Variants in ZNF804B observed in about 807,000 individuals in gnomAD.
The protein encoded by ZNF804B is zinc finger 804B.
In ZNF804B, 80 loss-of-function variants were observed where a neutral mutation model predicts 101.4. The observed-to-expected ratio is 0.79, with a 90% CI of 0.66 to 0.95. The LOEUF (loss-of-function observed/expected upper bound fraction) is 0.95. ZNF804B is among the 40% of genes least tolerant of loss of function. The pLI is 0.00. For synonymous variants in ZNF804B, 622 were observed against 558.8 expected, an observed-to-expected ratio of 1.11 and a Z score of -1.59; for missense variants, 1,673 against 1,561.9, an observed-to-expected ratio of 1.07 and a Z score of -1.20.
At chr7:89,245,920 C>T (rs977243574) in intron 2 of ZNF804B, among the ~76,000 whole-genome samples, 6 of 152,084 alleles carry the variant, frequency 3.9e-5, no homozygotes, top group Admixed American at 1.3e-4. Context: ...GAGGGAGAGC[C>T]CTTTGTTTCA....
intron 1 of ZNF804B, among the ~76,000 whole-genome samples, chr7:88,862,039 C>T (rs1474546173): frequency 1.3e-5 from 2 of 152,144 alleles, no homozygotes; most frequent in Non-Finnish European, 2.9e-5. Flanking sequence ...AACATCACTT[C>T]TATAGTAAAC....
chr7:89,296,437 G>C (rs1790385497), intron 2 of ZNF804B, among the ~76,000 whole-genome samples: 1 of 151,868 alleles, frequency 6.6e-6, no homozygotes, highest in Non-Finnish European at 1.5e-5. Context: ...TTTAAGTTAT[G>C]TCTTGTTAGA....
At chr7:88,801,304 A>G (rs73198671) in intron 1 of ZNF804B, among the ~76,000 whole-genome samples, 51 of 143,536 alleles carry the variant, frequency 3.6e-4, no homozygotes, top group Non-Finnish European at 5.7e-4. Flanking sequence ...AGGAGAGGGG[A>G]AAAAAAAAAA....
At chr7:88,794,663 T>A in intron 1 of ZNF804B, 1 of 1,613,710 alleles carries the variant, frequency 6.2e-7, no homozygotes, top group South Asian at 1.1e-5. Flanking sequence ...AGAATGGAAG[T>A]GGGATAGATG....
At chr7:88,823,692 C>T (rs755524471) in intron 1 of ZNF804B, among the ~76,000 whole-genome samples, 1 of 152,022 alleles carries the variant, frequency 6.6e-6, no homozygotes, top group Non-Finnish European at 1.5e-5. Flanking sequence ...GAGCATGTGG[C>T]AAATTGTAAA....
At chr7:89,261,214 T>C (rs1002158137) in intron 2 of ZNF804B, among the ~76,000 whole-genome samples, 12 of 152,314 alleles carry the variant, frequency 7.9e-5, no homozygotes, top group African/African-American at 2.9e-4. Flanking sequence ...TGAACTGTAA[T>C]AGAGCCATGA....
Position 89,086,834 on chromosome 7 carries a change from A to T in ZNF804B, c.109-131321A>T, listed in dbSNP as rs142929358. ...GTGTAAGTAATTTGACAAAACAGTT[A>T]TAATAAAAATTTGTCTTTGTATAAA... On this transcript the variant is annotated intron_variant, in intron 1 of 3. Transcript: ENST00000333190. 2.5e-3 allele frequency among the ~76,000 whole-genome samples: 377 copies of T among 152,056 alleles called. 1 individual carries two copies. The highest frequency in any genetic ancestry group is 8.2e-3 in the African/African-American group (339 of 41,524).
chr7:88,847,165 A>G (rs898873332), intron 1 of ZNF804B, among the ~76,000 whole-genome samples: 3 of 151,978 alleles, frequency 2.0e-5, no homozygotes, highest in African/African-American at 7.2e-5. Context: ...AAATATAAGA[A>G]AAATATTAAT....
At chr7:89,273,089 A>T (rs1789923650) in intron 2 of ZNF804B, among the ~76,000 whole-genome samples, 1 of 152,188 alleles carries the variant, frequency 6.6e-6, no homozygotes, top group African/African-American at 2.4e-5. Flanking sequence ...TTATAAAAAC[A>T]TGTAATCAAT....
intron 2 of ZNF804B, among the ~76,000 whole-genome samples, chr7:89,263,700 C>T (rs1421343310): frequency 6.6e-6 from 1 of 151,764 alleles, no homozygotes; most frequent in Admixed American, 6.6e-5. Context: ...AATGTCCTCA[C>T]CTGAAACACA....
At chr7:89,036,649 A>G (rs921066049) in intron 1 of ZNF804B, among the ~76,000 whole-genome samples, 1 of 152,104 alleles carries the variant, frequency 6.6e-6, no homozygotes, top group Non-Finnish European at 1.5e-5. Context: ...ATAACTTAGA[A>G]AAGAGTTTTT....
At chr7:89,084,166 G>C (rs1300331341) in intron 1 of ZNF804B, among the ~76,000 whole-genome samples, 1 of 151,910 alleles carries the variant, frequency 6.6e-6, no homozygotes, top group Non-Finnish European at 1.5e-5. Flanking sequence ...CTCAACTGTA[G>C]CAATGCCCTG....
chr7:89,229,278 G>A (rs1247668542), intron 2 of ZNF804B, among the ~76,000 whole-genome samples: 1 of 152,182 alleles, frequency 6.6e-6, no homozygotes, highest in African/African-American at 2.4e-5. Context: ...CTGCCAGCAC[G>A]CTGTCACCTC....
At position 89,335,001 on chromosome 7, in the gene ZNF804B, C is replaced by G; in HGVS notation, c.2019C>G (p.Phe673Leu). The G allele has an allele frequency of 6.2e-7, 1 of 1,613,856 alleles. No homozygotes were observed. The highest frequency in any genetic ancestry group is 1.3e-5 in the African/African-American group (1 of 75,022). The change falls in exon 4 of 4, where the codon TTC becomes TTG. Residue 673 changes from phenylalanine (F) to leucine (L), a missense_variant. Phe to Leu is a conservative substitution (Grantham distance 22). Coordinates refer to ENST00000333190, the MANE Select transcript of ZNF804B (RefSeq NM_181646.5). ...GTCACAGTGACCATGGGAAAGACTT[C>G]AGTGTAATTTTGAAGAGTAACCACA... ...VGGHSDHGKD[F>L]SVILKSNHIS... is the part of the protein sequence containing the mutation.
chr7:88,974,499 A>T (rs988688021), intron 1 of ZNF804B, among the ~76,000 whole-genome samples: 2 of 151,210 alleles, frequency 1.3e-5, no homozygotes, highest in South Asian at 4.1e-4. Context: ...ATATAATTTT[A>T]TCTGGCCCTT....
At chr7:89,220,121 A>G (rs1259570828) in intron 2 of ZNF804B, among the ~76,000 whole-genome samples, 1 of 140,748 alleles carries the variant, frequency 7.1e-6, no homozygotes, top group South Asian at 2.1e-4. Context: ...ATATACATAT[A>G]TATACGCACA....
intron 1 of ZNF804B, among the ~76,000 whole-genome samples, chr7:88,874,629 T>C (rs986780060): frequency 2.0e-5 from 3 of 152,066 alleles, no homozygotes; most frequent in Non-Finnish European, 2.9e-5. Flanking sequence ...GCTCTTATTA[T>C]TTTGAGATAC....
At chr7:88,966,753 C>CACAT (rs1562846028) in intron 1 of ZNF804B, among the ~76,000 whole-genome samples, 2 of 151,200 alleles carry the variant, frequency 1.3e-5, no homozygotes, top group Non-Finnish European at 3.0e-5. Flanking sequence ...TCTAGACACA[C>CACAT]ACATACATAC....
chr7:88,979,499 T>C (rs192339544), intron 1 of ZNF804B, among the ~76,000 whole-genome samples: 4 of 152,070 alleles, frequency 2.6e-5, no homozygotes, highest in African/African-American at 9.6e-5. Flanking sequence ...CATGTTATGC[T>C]ACTCTCTCCT....
Sources: allele counts gnomAD v4.1 joint callset (sites outside exome capture counted in the v4.1 genomes callset), GRCh38; gene constraint gnomAD v4.1.1; transcripts MANE v1.5; gene names NCBI Gene and HGNC (gene_info 2026-07-23, HGNC 2026-07-21).